Variants in GSPT1 observed in about 807,000 individuals in gnomAD.
GSPT1 encodes the protein G1 to S phase transition 1, also known as eukaryotic peptide chain release factor GTP-binding subunit ERF3A.
In GSPT1, 20 loss-of-function variants were observed where a neutral mutation model predicts 72.5. The ratio of observed to expected loss-of-function variants is 0.28; its 90% CI spans 0.19 to 0.40. The LOEUF (loss-of-function observed/expected upper bound fraction) is 0.40. Ranked by LOEUF, GSPT1 falls within the 10% of genes least tolerant of loss-of-function variation. The probability of loss-of-function intolerance (pLI) is 1.00; values close to 1 mark genes in which losing one functional copy is unlikely to be tolerated. For missense variants in GSPT1, 580 were observed against 811.9 expected (o/e 0.71, Z 3.47); for synonymous variants, 334 against 293.5 (o/e 1.14, Z -1.41).
At chr16:11,884,741 G>T (rs2054165522) in intron 10 of GSPT1, among the ~76,000 whole-genome samples, 1 of 145,264 alleles carries the variant, frequency 6.9e-6, no homozygotes, top group Non-Finnish European at 1.5e-5. Flanking sequence ...TCTAGCCTGG[G>T]TGACAGAGTG....
At chr16:11,906,007 A>C (rs1019636996) in intron 1 of GSPT1, among the ~76,000 whole-genome samples, 5 of 152,206 alleles carry the variant, frequency 3.3e-5, no homozygotes, top group Admixed American at 2.0e-4. Context: ...ATACACAATC[A>C]ATTTTTACTG....
intron 12 of GSPT1, among the ~76,000 whole-genome samples, chr16:11,876,512 C>T (rs149925099): frequency 0.015 from 2,216 of 152,054 alleles, 32 homozygotes; most frequent in South Asian, 0.024. Flanking sequence ...GCAGGGGGGC[C>T]GGGGGGATCA....
chr16:11,901,906 A>G (rs2054412025), intron 1 of GSPT1, among the ~76,000 whole-genome samples: 1 of 151,198 alleles, frequency 6.6e-6, no homozygotes, highest in African/African-American at 2.4e-5. Flanking sequence ...GACCAGTCTG[A>G]CTAATATGAG....
rs2053987855 is a variant in GSPT1, at chr16:11,872,353, C to G, written c.*766G>C. The G allele has an allele frequency of 7.2e-6, 1 of 139,154 alleles. No homozygotes were observed. Among genetic ancestry groups the G allele is most frequent in the Non-Finnish European group, 1.6e-5 (1 of 64,436 alleles). The allele number at this position is 139,154 out of a possible 1,614,324, so 8.6% of individuals were successfully genotyped here. On this transcript the variant is annotated 3_prime_UTR_variant, in exon 15 of 15. Coordinates refer to ENST00000434724, the MANE Select transcript of GSPT1 (RefSeq NM_002094.4). ...TTATTTTAAAACAACTTACTGTGTTCAAGAAATCATGTTACAATATAAATT... is the reference window on the plus strand; with the variant it reads ...TTATTTTAAAACAACTTACTGTGTTGAAGAAATCATGTTACAATATAAATT...
Position 11,873,187 on chromosome 16 carries a change from T to C in GSPT1, c.1862-16A>G, listed in dbSNP as rs775451879. ...ATGGTCTTACCTAGAAATGAAATTT[T>C]AAAAAAATCTTTCAGTAGTTAACAG... On this transcript the variant is annotated splice_polypyrimidine_tract_variant and intron_variant, in intron 14 of 14. Transcript: ENST00000434724. The C allele has an allele frequency of 3.5e-6, 5 of 1,431,814 alleles. No homozygotes were observed. Among genetic ancestry groups the C allele is most frequent in the Middle Eastern group, 1.8e-4 (1 of 5,684 alleles). The allele number at this position is 1,431,814 out of a possible 1,614,324, so 88.7% of individuals were successfully genotyped here.
In GSPT1 at chr16:11,872,049, G is replaced by C. The variant is rs2053985140; in HGVS notation, c.*1070C>G. 1 of 152,138 alleles carries C rather than the reference G, an allele frequency of 6.6e-6. No homozygotes were observed. Among genetic ancestry groups the C allele is most frequent in the African/African-American group, 2.4e-5 (1 of 41,416 alleles). The allele number at this position is 152,138 out of a possible 1,614,324, so 9.4% of individuals were successfully genotyped here. A position where few individuals can be genotyped will look rare whatever the true frequency, so the allele number is the denominator to read the frequency against. On this transcript the variant is annotated 3_prime_UTR_variant, in exon 15 of 15. Transcript: ENST00000434724. ...CTAAATATTTTCATTTAGTTGCTAG[G>C]TTGAGATTTAGCTTTAACCAGCAAG... is the stretch of plus-strand genomic sequence containing the variant.
In GSPT1 at chr16:11,886,932, C is replaced by G; in HGVS notation, c.958-1G>C. On this transcript the variant is annotated splice_acceptor_variant, in intron 7 of 14. Coordinates refer to ENST00000434724, the MANE Select transcript of GSPT1 (RefSeq NM_002094.4). LOFTEE classifies it high-confidence loss of function. ...ACTCTCCTTTCCTGGCTGAGATTAC[C>G]TAATTCCAAGAAAGGAAACAGTTTA... 6.2e-7 allele frequency: 1 copy of G among 1,613,068 alleles called. No individual in the cohort carries two copies. The highest frequency in any genetic ancestry group is 8.5e-7 in the Non-Finnish European group (1 of 1,179,360).
chr16:11,881,585 T>TAG (rs2054122384), intron 11 of GSPT1: 1 of 150,622 alleles, frequency 6.6e-6, no homozygotes, highest in African/African-American at 2.4e-5. Context: ...CCTACACCCG[T>TAG]TAAGCAGTCA....
intron 3 of GSPT1, among the ~76,000 whole-genome samples, 166 bp from the exon 4 acceptor site, chr16:11,896,951 C>T (rs2054347943): frequency 6.6e-6 from 1 of 152,200 alleles, no homozygotes; most frequent in Non-Finnish European, 1.5e-5. Flanking sequence ...AAATGGGTGA[C>T]AGCTTTCAAG....
chr16:11,879,302 G>T (rs1346869776), intron 11 of GSPT1, among the ~76,000 whole-genome samples: 3 of 148,224 alleles, frequency 2.0e-5, no homozygotes, highest in African/African-American at 7.9e-5. Flanking sequence ...GGCTGAGGCA[G>T]AGAACTGCTT....
In GSPT1 at chr16:11,915,768, CA is replaced by C; in HGVS notation, c.-49del. The C allele has an allele frequency of 1.3e-6, 2 of 1,567,152 alleles. No individual in the cohort carries two copies. The highest frequency in any genetic ancestry group is 1.7e-6 in the Non-Finnish European group (2 of 1,163,238). On this transcript the variant is annotated 5_prime_UTR_variant, in exon 1 of 15. Coordinates refer to ENST00000434724, the MANE Select transcript of GSPT1 (RefSeq NM_002094.4). ...GTGGACAGAGAGCGGGAAATGGAGGCAGGGGCGCCCGGCCGGAGAGGAGTGG... is the reference window on the plus strand; with the variant it reads ...GTGGACAGAGAGCGGGAAATGGAGGCGGGGCGCCCGGCCGGAGAGGAGTGG...
chr16:11,878,431 C>T (rs72782759), intron 11 of GSPT1, among the ~76,000 whole-genome samples: 1,548 of 151,926 alleles, frequency 0.01, 12 homozygotes, highest in Non-Finnish European at 0.014. Context: ...CTCTTTGTTT[C>T]TAACAAAATA....
upstream of GSPT1, chr16:11,915,980 T>C: frequency 1.4e-6 from 1 of 703,404 alleles, no homozygotes; most frequent in Non-Finnish European, 2.6e-6. Context: ...CCCAACCACC[T>C]CCGACGGCCT....
chr16:11,914,330 A>G (rs1044622306), intron 1 of GSPT1, among the ~76,000 whole-genome samples: 9 of 152,234 alleles, frequency 5.9e-5, no homozygotes, highest in South Asian at 2.1e-4. Flanking sequence ...ATGAGAATAC[A>G]TAAGTTCACT....
chr16:11,907,573 G>A (rs548588059), intron 1 of GSPT1, among the ~76,000 whole-genome samples: 1 of 151,926 alleles, frequency 6.6e-6, no homozygotes, highest in Non-Finnish European at 1.5e-5. Context: ...AAAACTACAC[G>A]CTAGTTGTAG....
At position 11,873,192 on chromosome 16, in the gene GSPT1, AAAT is replaced by A. The variant is rs755835916; in HGVS notation, c.1862-24_1862-22del. The A allele has an allele frequency of 4.4e-6, 6 of 1,376,420 alleles. No individual in the cohort carries two copies. The South Asian group carries it at 4.7e-5, about 11-fold the overall frequency. 85.3% of individuals were successfully genotyped at this position (1,376,420 alleles called of 1,614,324 possible). ...CTTACCTAGAAATGAAATTTTAAAA[AAAT>A]CTTTCAGTAGTTAACAGCAAGTCTA... On this transcript the variant is annotated intron_variant, in intron 14 of 14. Transcript: ENST00000434724.
At position 11,886,530 on chromosome 16, in the gene GSPT1, G is replaced by A; in HGVS notation, c.1194C>T (p.Pro398=). ...FNPKKDIHFM[P]CSGLTGANLK... ...GATTTGCTCCAGTAAGTCCTGAGCA[G>A]GGCATAAAGTGAATGTCCTTTTTGG... Residue 398 remains proline (P), a synonymous_variant, in exon 9 of 15, where the codon CCC becomes CCT. Transcript: ENST00000434724. 1 of 1,612,556 alleles carries A rather than the reference G, an allele frequency of 6.2e-7. No individual in the cohort carries two copies. The highest frequency in any genetic ancestry group is 1.1e-5 in the South Asian group (1 of 91,044).
rs137971312 is a variant in GSPT1 at position 11,888,596 on chromosome 16, T to C, written c.777-846A>G. Among the ~76,000 whole-genome samples, 974 of 152,046 alleles carry C rather than the reference T, an allele frequency of 6.4e-3. 7 individuals carry two copies. The highest frequency in any genetic ancestry group is 0.018 in the South Asian group (89 of 4,818). On this transcript the variant is annotated intron_variant, in intron 6 of 14. Coordinates refer to ENST00000434724, the MANE Select transcript of GSPT1 (RefSeq NM_002094.4). ...GGCCAACATGGTGAGACCCCATCTC[T>C]ACTAAAAATACAAAAATTAGCTGGG...
intron 1 of GSPT1, among the ~76,000 whole-genome samples, chr16:11,914,074 G>A (rs536825089): frequency 6.6e-6 from 1 of 152,328 alleles, no homozygotes; most frequent in Middle Eastern, 3.4e-3. Context: ...GAACTTTAAA[G>A]AGAGAAATCA....
Sources: allele counts gnomAD v4.1 joint callset (sites outside exome capture counted in the v4.1 genomes callset), GRCh38; gene constraint gnomAD v4.1.1; transcripts MANE v1.5; gene names NCBI Gene and HGNC (gene_info 2026-07-23, HGNC 2026-07-21).